Variants in TECPR2 observed in about 807,000 individuals in gnomAD.
The protein encoded by TECPR2 is tectonin beta-propeller repeat containing 2.
TECPR2 carries 65 observed loss-of-function variants against 138.1 expected under a neutral mutation model. That is an observed-to-expected ratio of 0.47 (90% CI 0.39 to 0.58). The LOEUF is 0.58. Among genes scored for constraint, TECPR2 ranks in the 20% least tolerant of loss-of-function variants. The pLI is 0.00. For missense variants in TECPR2, 1,553 were observed against 1,824.5 expected, an observed-to-expected ratio of 0.85 and a Z score of 2.71; for synonymous variants, 746 against 749.8, an observed-to-expected ratio of 0.99 and a Z score of 0.08.
intron 3 of TECPR2, 107 bp from the exon 4 acceptor site, chr14:102,408,380 AC>A (rs1888722178): frequency 1.6e-6 from 2 of 1,287,164 alleles, no homozygotes; most frequent in Non-Finnish European, 2.1e-6. Flanking sequence ...GATTGGGAAA[AC>A]CAGCTCTTCC....
At chr14:102,411,290 G>A (rs1033478855) in intron 4 of TECPR2, among the ~76,000 whole-genome samples, 26 of 152,304 alleles carry the variant, frequency 1.7e-4, no homozygotes, top group Admixed American at 1.0e-3. Context: ...AGGCAGGAAT[G>A]TCAGGCCTCT....
intron 5 of TECPR2, 85 bp from the exon 6 acceptor site, chr14:102,424,894 A>G (rs1889273625): frequency 7.5e-7 from 1 of 1,335,076 alleles, no homozygotes; most frequent in African/African-American, 1.5e-5. Flanking sequence ...TTCTTGTTGT[A>G]CTTAATATTA....
chr14:102,445,724 A>T, intron 12 of TECPR2, 82 bp from the exon 13 acceptor site: 1 of 1,481,220 alleles, frequency 6.8e-7, no homozygotes, highest in East Asian at 2.4e-5. Flanking sequence ...GCCTGCCGGG[A>T]GACCCTGGAT....
intron 2 of TECPR2, among the ~76,000 whole-genome samples, chr14:102,391,350 G>A (rs890746972): frequency 6.6e-6 from 1 of 152,204 alleles, no homozygotes; most frequent in Non-Finnish European, 1.5e-5. Context: ...ATGAGCCACT[G>A]TGCCAGGCCT....
chr14:102,438,153 G>T lies in TECPR2; in HGVS notation c.2526G>T (p.Leu842=), dbSNP rs199824149. The change falls in exon 10 of 20, where the codon CTG becomes CTT. Residue 842 remains leucine, a synonymous_variant. Coordinates refer to ENST00000359520, the MANE Select transcript of TECPR2 (RefSeq NM_014844.5). ...GCAGCGCGTTGCCGGGCGCCGGGCT[G>T]CGCTGGCAGAAGTTTGAAGATGCTG... ...LFCSALPGAG[L]RWQKFEDAVQ... 1 of 1,613,366 alleles carries T rather than the reference G, an allele frequency of 6.2e-7. No individual in the cohort carries two copies. The highest frequency in any genetic ancestry group is 8.5e-7 in the Non-Finnish European group (1 of 1,179,972).
At chr14:102,379,819 A>G (rs1310530595) in intron 2 of TECPR2, among the ~76,000 whole-genome samples, 2 of 147,140 alleles carry the variant, frequency 1.4e-5, no homozygotes, top group East Asian at 4.1e-4. Context: ...CTTAAAATCC[A>G]TGCACAGAGG....
Position 102,443,428 on chromosome 14 carries a change from A to T in TECPR2, c.2753-219A>T, listed in dbSNP as rs969791443. 7.2e-5 allele frequency among the ~76,000 whole-genome samples: 11 copies of T among 152,234 alleles called. No individual in the cohort carries two copies. In the South Asian group the frequency reaches 2.3e-3, roughly 32 times the overall value. ...CACTTTGGGAGGCTGAGGTGGGAGG[A>T]TCTCTTGAGCCCAGGAGTTTGAGAT... On this transcript the variant is annotated intron_variant, in intron 11 of 19. Coordinates refer to ENST00000359520, the MANE Select transcript of TECPR2 (RefSeq NM_014844.5). The surrounding 1 kb of genome is among the most constrained non-coding windows in gnomAD (Gnocchi z 4.9).
rs373575895 is a variant in TECPR2, at chr14:102,431,427, T to C, written c.1085-369T>C. ...GCGCAATCTCGGCTCACTGCAAGCT[T>C]TGCCTCCCAGGTTCACACCATTCTC... On this transcript the variant is annotated intron_variant, in intron 7 of 19. Transcript: ENST00000359520. 4.0e-3 allele frequency among the ~76,000 whole-genome samples: 589 copies of C among 149,072 alleles called. 1 individual carries two copies. Among genetic ancestry groups the C allele is most frequent in the African/African-American group, 8.1e-3 (327 of 40,556 alleles).
At chr14:102,456,071 C>T (rs1890270468) in intron 16 of TECPR2, among the ~76,000 whole-genome samples, 2 of 152,162 alleles carry the variant, frequency 1.3e-5, no homozygotes, top group Admixed American at 1.3e-4. Context: ...CCTCTCCTTT[C>T]TAATGGGAGC....
intron 17 of TECPR2, among the ~76,000 whole-genome samples, chr14:102,467,842 C>CTT (rs554307063): frequency 1.2e-4 from 17 of 143,908 alleles, no homozygotes; most frequent in Middle Eastern, 3.6e-3. Context: ...TTCCTTTTTT[C>CTT]TTTTTTTTTT....
Position 102,431,907 on chromosome 14 carries a change from C to T in TECPR2, c.1196C>T (p.Ala399Val). Residue 399 changes from alanine to valine, a missense_variant, in exon 8 of 20, where the codon GCC becomes GTC. By Grantham distance (64) the Ala-to-Val change is moderately conservative. Transcript: ENST00000359520. Reference sequence around the variant, plus strand: ...ACGAGGCTCAGAGGCTCTTCCATGGCCAGCTCCGTGGCCAGCGAGCCAAGG... The same window carrying T: ...ACGAGGCTCAGAGGCTCTTCCATGGTCAGCTCCGTGGCCAGCGAGCCAAGG... ...SETRLRGSSM[A>V]SSVASEPRSR... is the part of the protein sequence containing the mutation. 1 of 1,610,774 alleles carries T rather than the reference C, an allele frequency of 6.2e-7. No homozygotes were observed. Among genetic ancestry groups the T allele is most frequent in the African/African-American group, 1.3e-5 (1 of 75,028 alleles).
Position 102,425,194 on chromosome 14 carries a change from C to T in TECPR2, c.854C>T (p.Pro285Leu), listed in dbSNP as rs921971593. ...ESPNSGSCSL[P>L]ERHLGLVSCF... ...CCCAACAGTGGAAGTTGCAGCTTAC[C>T]TGAGAGGCACCTGGGGCTTGTTTCA... The change falls in exon 6 of 20, where the codon CCT becomes CTT. Residue 285 changes from proline to leucine, a missense_variant. By Grantham distance (98) the Pro-to-Leu change is moderately conservative. Coordinates refer to ENST00000359520, the MANE Select transcript of TECPR2 (RefSeq NM_014844.5). 6.2e-7 allele frequency: 1 copy of T among 1,614,124 alleles called. No homozygotes were observed. Among genetic ancestry groups the T allele is most frequent in the Non-Finnish European group, 8.5e-7 (1 of 1,180,018 alleles).
chr14:102,408,410 A>G (rs1440843761), intron 3 of TECPR2, 78 bp from the exon 4 acceptor site: 7 of 1,483,162 alleles, frequency 4.7e-6, no homozygotes, highest in East Asian at 4.7e-5. Context: ...GAGTGATTGT[A>G]TACCTTTTCC....
At chr14:102,494,603 G>A (rs568198445) in intron 17 of TECPR2, among the ~76,000 whole-genome samples, 2 of 151,180 alleles carry the variant, frequency 1.3e-5, no homozygotes, top group East Asian at 2.0e-4. Context: ...CGAGGTGGGC[G>A]GATCACCTGA....
intron 4 of TECPR2, among the ~76,000 whole-genome samples, chr14:102,413,578 C>T (rs989659562): frequency 2.7e-4 from 41 of 151,700 alleles, no homozygotes; most frequent in African/African-American, 9.9e-4. Flanking sequence ...GAGGTTTCAC[C>T]ATGTTGGCCA....
intron 1 of TECPR2, among the ~76,000 whole-genome samples, chr14:102,365,067 T>A (rs1887307838): frequency 6.6e-6 from 1 of 152,224 alleles, no homozygotes; most frequent in Non-Finnish European, 1.5e-5. Context: ...TTCTATTGAC[T>A]TTTTGCCACT....
intron 17 of TECPR2, among the ~76,000 whole-genome samples, chr14:102,495,492 G>T (rs1160143298): frequency 1.3e-5 from 2 of 152,166 alleles, no homozygotes; most frequent in African/African-American, 4.8e-5. Flanking sequence ...CCATTCCAGG[G>T]GGATGCAGGG....
chr14:102,425,372 TCAGAATGCTACCAG>T (rs1889289954), intron 6 of TECPR2, 81 bp downstream of exon 6: 21 of 1,405,320 alleles, frequency 1.5e-5, no homozygotes, highest in Non-Finnish European at 2.0e-5. Flanking sequence ...CTCAGGGACC[TCAGAATGCTACCAG>T]GAGCAGTATT....
chr14:102,501,944 G>C lies in TECPR2; in HGVS notation c.*3687G>C, dbSNP rs757614770. 2.0e-5 allele frequency: 3 copies of C among 152,356 alleles called. No individual in the cohort carries two copies. Among genetic ancestry groups the C allele is most frequent in the Non-Finnish European group, 1.5e-5 (1 of 68,036 alleles). 9.4% of individuals were successfully genotyped at this position (152,356 alleles called of 1,614,324 possible). A position where few individuals can be genotyped will look rare whatever the true frequency, so the allele number is the denominator to read the frequency against. On this transcript the variant is annotated 3_prime_UTR_variant, in exon 20 of 20. Coordinates refer to ENST00000359520, the MANE Select transcript of TECPR2 (RefSeq NM_014844.5). ...GCCGCCCTACTGGGGAAGCCGGTCC[G>C]TACGTAGGCCTTGCATCTCGCCACC...
Sources: gnomAD v4.1 joint callset for allele counts (sites outside exome capture counted in the v4.1 genomes callset) on GRCh38, gnomAD v4.1.1 for gene constraint, Gnocchi (gnomAD v3.1) non-coding constraint, MANE v1.5 for transcripts, NCBI Gene and HGNC (gene_info 2026-07-23, HGNC 2026-07-21) for gene names.